The following FARS2 variants were observed in gnomAD, a reference collection of about 807,000 sequenced individuals.
The protein encoded by FARS2 is phenylalanine--tRNA ligase, mitochondrial.
A neutral mutation model predicts 46.4 loss-of-function variants in FARS2; 40 were observed. The observed-to-expected ratio is 0.86, with a 90% CI of 0.67 to 1.12. The LOEUF (loss-of-function observed/expected upper bound fraction) is 1.12, where lower values mean the gene tolerates loss of function less well. Among genes scored for constraint, FARS2 ranks in the 50% most tolerant of loss-of-function variants. The probability of loss-of-function intolerance (pLI) is 0.00; values close to 1 mark genes in which losing one functional copy is unlikely to be tolerated. For missense variants in FARS2, 513 were observed against 567.9 expected (o/e 0.90, Z 0.98); for synonymous variants, 234 against 214.9 (o/e 1.09, Z -0.78).
intron 2 of FARS2, among the ~76,000 whole-genome samples, chr6:5,383,519 C>T (rs557919829): frequency 1.1e-4 from 16 of 152,026 alleles, no homozygotes; most frequent in South Asian, 2.1e-4. Flanking sequence ...AGTTCTTTAA[C>T]GTTAACACTC....
intron 6 of FARS2, among the ~76,000 whole-genome samples, chr6:5,682,849 G>T (rs1779103511): frequency 6.6e-6 from 1 of 152,220 alleles, no homozygotes; most frequent in Non-Finnish European, 1.5e-5. Flanking sequence ...AGTGTGTGGG[G>T]CAGAGAGTGA....
intron 4 of FARS2, among the ~76,000 whole-genome samples, chr6:5,504,438 A>AAAT (rs1491500443): frequency 1.8e-4 from 2 of 11,038 alleles, no homozygotes; most frequent in African/African-American, 1.2e-3. Flanking sequence ...GCTTTCCAGT[A>AAAT]AAAAAAAAAA....
At chr6:5,262,688 T>A (rs978631128) in intron 1 of FARS2, among the ~76,000 whole-genome samples, 3 of 152,252 alleles carry the variant, frequency 2.0e-5, no homozygotes, top group Non-Finnish European at 4.4e-5. Context: ...CTAATCCTGA[T>A]GCAATGACAT....
At chr6:5,432,505 T>C (rs1763279244) in intron 4 of FARS2, among the ~76,000 whole-genome samples, 2 of 118,786 alleles carry the variant, frequency 1.7e-5, no homozygotes, top group Admixed American at 1.1e-4. Flanking sequence ...ATATATTTTT[T>C]ATATCCCAAT....
At chr6:5,680,374 A>G (rs945968997) in intron 6 of FARS2, among the ~76,000 whole-genome samples, 2 of 152,198 alleles carry the variant, frequency 1.3e-5, no homozygotes, top group Non-Finnish European at 2.9e-5. Context: ...GGCAGCTGTC[A>G]CCTGCCATTG....
Position 5,711,562 on chromosome 6 carries a change from C to G in FARS2, c.1218-59729C>G, listed in dbSNP as rs529106184. Reference sequence around the variant, plus strand: ...CAGGCTGACAGTATGTCCCCTAGCTCTGGTGTGATGAGAATGGTACTCAAC... The same window carrying G: ...CAGGCTGACAGTATGTCCCCTAGCTGTGGTGTGATGAGAATGGTACTCAAC... On this transcript the variant is annotated intron_variant, in intron 6 of 6. Coordinates refer to ENST00000274680, the MANE Select transcript of FARS2 (RefSeq NM_006567.5). Among the ~76,000 whole-genome samples, 12 of 152,270 alleles carry G rather than the reference C, an allele frequency of 7.9e-5. No individual in the cohort carries two copies. The East Asian group carries it at 2.1e-3, about 27-fold the overall frequency.
At chr6:5,553,669 T>G (rs1032255484) in intron 5 of FARS2, among the ~76,000 whole-genome samples, 1 of 152,126 alleles carries the variant, frequency 6.6e-6, no homozygotes, top group African/African-American at 2.4e-5. Context: ...AATGATCTAA[T>G]TTATGAACTT....
chr6:5,352,850 G>A (rs1451427625), intron 1 of FARS2, among the ~76,000 whole-genome samples: 1 of 151,924 alleles, frequency 6.6e-6, no homozygotes, highest in Non-Finnish European at 1.5e-5. Context: ...CATATACATT[G>A]TGTAATGATC....
chr6:5,282,165 G>A (rs550500158), intron 1 of FARS2, among the ~76,000 whole-genome samples: 23 of 152,290 alleles, frequency 1.5e-4, no homozygotes, highest in African/African-American at 5.1e-4. Context: ...TGAGCAATAG[G>A]AATTTTTGGA....
chr6:5,507,410 G>A (rs1160565947), intron 4 of FARS2, among the ~76,000 whole-genome samples: 1 of 152,060 alleles, frequency 6.6e-6, no homozygotes, highest in Non-Finnish European at 1.5e-5. Flanking sequence ...CTGATGTTTA[G>A]CTCCTGTTGA....
intron 1 of FARS2, among the ~76,000 whole-genome samples, chr6:5,297,405 T>TG (rs943239900): frequency 6.6e-6 from 1 of 152,216 alleles, no homozygotes; most frequent in African/African-American, 2.4e-5. Flanking sequence ...CCCAGCACTT[T>TG]GGGGGGCCAA....
chr6:5,256,084 G>T (rs1190010231), upstream of FARS2, among the ~76,000 whole-genome samples: 1 of 151,972 alleles, frequency 6.6e-6, no homozygotes, highest in East Asian at 2.0e-4. Context: ...GTCATGCCAA[G>T]ATTGAGAAAT....
chr6:5,614,100 C>A (rs578191456), intron 6 of FARS2, among the ~76,000 whole-genome samples: 6 of 152,174 alleles, frequency 3.9e-5, no homozygotes, highest in Non-Finnish European at 7.4e-5. Flanking sequence ...GTTTCCAGGG[C>A]CAGGTGGGCC....
At chr6:5,462,923 AATTTAT>A (rs1765322299) in intron 4 of FARS2, among the ~76,000 whole-genome samples, 1 of 152,166 alleles carries the variant, frequency 6.6e-6, no homozygotes, top group African/African-American at 2.4e-5. Context: ...GTTAGGATGG[AATTTAT>A]ATTTATATCA....
chr6:5,613,128 A>G, intron 5 of FARS2, 41 bp from the exon 6 acceptor site: 2 of 1,561,642 alleles, frequency 1.3e-6, no homozygotes, highest in Non-Finnish European at 1.7e-6. Flanking sequence ...TTCTCATTCA[A>G]CTAACAAGTT....
chr6:5,748,868 T>C (rs1253160873), intron 6 of FARS2, among the ~76,000 whole-genome samples: 1 of 152,264 alleles, frequency 6.6e-6, no homozygotes, highest in Non-Finnish European at 1.5e-5. Flanking sequence ...TTGGGTCTGT[T>C]GATGTTTTGA....
At chr6:5,749,189 G>C (rs1761806806) in intron 6 of FARS2, among the ~76,000 whole-genome samples, 2 of 152,226 alleles carry the variant, frequency 1.3e-5, no homozygotes, top group Admixed American at 6.5e-5. Flanking sequence ...GTCTGGGAGT[G>C]GGAGCAGCCT....
chr6:5,432,361 A>ATATT (rs1763251161), intron 4 of FARS2, among the ~76,000 whole-genome samples: 2 of 110,368 alleles, frequency 1.8e-5, no homozygotes, highest in Non-Finnish European at 3.6e-5. Context: ...TTATATATAT[A>ATATT]TAATATATTA....
intron 1 of FARS2, among the ~76,000 whole-genome samples, chr6:5,284,200 G>A (rs73718036): frequency 3.9e-5 from 6 of 152,274 alleles, no homozygotes; most frequent in Admixed American, 3.3e-4. Context: ...TCGGGGGATC[G>A]TTCTGTCATT....
Sources: allele counts gnomAD v4.1 joint callset (sites outside exome capture counted in the v4.1 genomes callset), GRCh38; gene constraint gnomAD v4.1.1; transcripts MANE v1.5; gene names NCBI Gene and HGNC (gene_info 2026-07-23, HGNC 2026-07-21).